Variants in SEMA6D observed in about 807,000 individuals in gnomAD.
SEMA6D encodes semaphorin-6D.
A neutral mutation model predicts 106.6 loss-of-function variants in SEMA6D; 35 were observed. The observed-to-expected ratio is 0.33, with a 90% CI of 0.25 to 0.44. SEMA6D has a LOEUF of 0.44. Among genes scored for constraint, SEMA6D ranks in the 20% least tolerant of loss-of-function variants. The pLI is 1.00. For missense variants in SEMA6D, 1,185 were observed against 1,345.9 expected (o/e 0.88, Z 1.87); for synonymous variants, 499 against 487.7 (o/e 1.02, Z -0.31).
intron 4 of SEMA6D, among the ~76,000 whole-genome samples, chr15:47,674,608 G>A (rs995600866): frequency 3.3e-5 from 5 of 152,214 alleles, no homozygotes; most frequent in African/African-American, 4.8e-5. Context: ...AGGGTTCTGC[G>A]TATCACCACT....
At chr15:47,466,687 A>C (rs1179833923) in intron 2 of SEMA6D, among the ~76,000 whole-genome samples, 7 of 150,644 alleles carry the variant, frequency 4.6e-5, no homozygotes, top group Non-Finnish European at 8.9e-5. Flanking sequence ...CGAGAAGTGG[A>C]ATTGCTAGAC....
At chr15:47,361,896 A>G (rs2038823513) in intron 1 of SEMA6D, among the ~76,000 whole-genome samples, 1 of 152,250 alleles carries the variant, frequency 6.6e-6, no homozygotes. Flanking sequence ...GGGGCTGAGA[A>G]ACAAACTGTA....
Position 47,768,756 on chromosome 15 carries a change from C to T in SEMA6D, c.1933+8C>T. ...TATCGGGTATCCCAAAGGGTAAGGC[C>T]TCAGCAGGGACCTCATCTCTAACTG... On this transcript the variant is annotated splice_region_variant and intron_variant, in intron 18 of 18. Coordinates refer to ENST00000536845, the MANE Select transcript of SEMA6D (RefSeq NM_001358351.3). 6.2e-7 allele frequency: 1 copy of T among 1,610,088 alleles called. No individual in the cohort carries two copies. The highest frequency in any genetic ancestry group is 2.2e-5 in the East Asian group (1 of 44,820).
intron 3 of SEMA6D, among the ~76,000 whole-genome samples, chr15:47,588,690 G>T (rs2076385373): frequency 6.6e-6 from 1 of 152,174 alleles, no homozygotes; most frequent in Admixed American, 6.5e-5. Flanking sequence ...GAAGGAAAAA[G>T]TAAAGTCCCT....
rs184193642 is a variant in SEMA6D at position 47,293,524 on chromosome 15, T to C, written c.-239+109106T>C. 3.6e-3 allele frequency among the ~76,000 whole-genome samples: 554 copies of C among 152,334 alleles called. 2 individuals carry two copies. The highest frequency in any genetic ancestry group is 5.5e-3 in the Non-Finnish European group (377 of 68,022). Reference sequence around the variant, plus strand: ...CTCTTGAGTCCAGGACTAGCACAGCTGTCTGTACTCTGTGTCTTCCCATAA... The same window carrying C: ...CTCTTGAGTCCAGGACTAGCACAGCCGTCTGTACTCTGTGTCTTCCCATAA... On this transcript the variant is annotated intron_variant, in intron 1 of 19. Coordinates refer to the SEMA6D transcript ENST00000558014.
At chr15:47,552,855 T>TATATATAA (rs1196396951) in intron 3 of SEMA6D, among the ~76,000 whole-genome samples, 4 of 88,668 alleles carry the variant, frequency 4.5e-5, no homozygotes, top group African/African-American at 3.0e-4. Context: ...TATATATAAA[T>TATATATAA]ATATATATAT....
chr15:47,650,080 A>G (rs563269890), intron 4 of SEMA6D, among the ~76,000 whole-genome samples: 2 of 152,332 alleles, frequency 1.3e-5, no homozygotes, highest in African/African-American at 4.8e-5. Flanking sequence ...TGTGCCAGTG[A>G]TGTGCTGAGT....
intron 1 of SEMA6D, among the ~76,000 whole-genome samples, chr15:47,225,678 G>A (rs997019869): frequency 5.3e-5 from 8 of 151,168 alleles, no homozygotes; most frequent in Admixed American, 6.6e-5. Context: ...ATAGGCCTCC[G>A]CCACCAAGCC....
chr15:47,662,462 AGT>A (rs2145210584), intron 4 of SEMA6D, among the ~76,000 whole-genome samples: 1 of 152,280 alleles, frequency 6.6e-6, no homozygotes, highest in African/African-American at 2.4e-5. Context: ...TTCTAGTGAC[AGT>A]GTTTTACAAT....
chr15:47,662,857 G>GCGCACACA (rs1555405461), intron 4 of SEMA6D, among the ~76,000 whole-genome samples: 183 of 134,162 alleles, frequency 1.4e-3, no homozygotes, highest in African/African-American at 4.7e-3. Context: ...GTGTATGAGC[G>GCGCACACA]CACACACACA....
chr15:47,333,884 T>C (rs139167771), intron 1 of SEMA6D, among the ~76,000 whole-genome samples: 1,676 of 152,300 alleles, frequency 0.011, 13 homozygotes, highest in Non-Finnish European at 0.014. Flanking sequence ...AATCTCTCTC[T>C]GACCTTTTCC....
At chr15:47,554,220 T>A (rs1026307445) in intron 3 of SEMA6D, among the ~76,000 whole-genome samples, 3 of 152,304 alleles carry the variant, frequency 2.0e-5, no homozygotes, top group African/African-American at 4.8e-5. Flanking sequence ...GACACTCTAG[T>A]GTAGAGTCCT....
At chr15:47,556,461 G>A (rs751555308) in intron 3 of SEMA6D, among the ~76,000 whole-genome samples, 5 of 152,084 alleles carry the variant, frequency 3.3e-5, no homozygotes, top group Non-Finnish European at 4.4e-5. Flanking sequence ...TCAAAATGTC[G>A]AATTTGTTTA....
chr15:47,603,716 C>G (rs1371734069), intron 4 of SEMA6D, among the ~76,000 whole-genome samples: 4 of 151,510 alleles, frequency 2.6e-5, no homozygotes, highest in African/African-American at 9.7e-5. Flanking sequence ...TTATTAAGTC[C>G]CCTCCCCCTC....
At chr15:47,465,914 C>T (rs12907939) in intron 2 of SEMA6D, among the ~76,000 whole-genome samples, 47,401 of 151,934 alleles carry the variant, frequency 0.31, 7,553 homozygotes, top group Middle Eastern at 0.45. Context: ...CTATTGGTTT[C>T]CTCCAGGGAA....
chr15:47,533,977 AT>A (rs2045066646), intron 3 of SEMA6D, among the ~76,000 whole-genome samples: 1 of 152,206 alleles, frequency 6.6e-6, no homozygotes, highest in Non-Finnish European at 1.5e-5. Context: ...TTACTGATAC[AT>A]TAACTTTAAC....
intron 1 of SEMA6D, among the ~76,000 whole-genome samples, chr15:47,189,859 A>C (rs377410333): frequency 6.6e-6 from 1 of 152,238 alleles, no homozygotes. Context: ...TGTGCTTCCA[A>C]TTATGATATA....
chr15:47,503,515 T>C (rs2141639862), intron 3 of SEMA6D, among the ~76,000 whole-genome samples: 1 of 152,320 alleles, frequency 6.6e-6, no homozygotes, highest in African/African-American at 2.4e-5. Context: ...GACTGGTAAG[T>C]AATACAGAGT....
At chr15:47,762,951 A>G (rs752024378) in intron 8 of SEMA6D, 65 bp from the exon 9 acceptor site, 105 of 1,176,220 alleles carry the variant, frequency 8.9e-5, no homozygotes, top group Non-Finnish European at 1.0e-4. Context: ...CATGCTTTGC[A>G]GTCGGGGTCT....
Sources: allele counts gnomAD v4.1 joint callset (sites outside exome capture counted in the v4.1 genomes callset), GRCh38; gene constraint gnomAD v4.1.1; transcripts MANE v1.5; gene names NCBI Gene and HGNC (gene_info 2026-07-23, HGNC 2026-07-21).